The following BATF variants were observed in gnomAD, a reference collection of about 807,000 sequenced individuals.
BATF encodes the protein basic leucine zipper ATF-like transcription factor.
Under a neutral mutation model 13.7 loss-of-function variants are expected in BATF, and 5 were observed. The observed-to-expected ratio is 0.36, with a 90% CI of 0.19 to 0.77. The LOEUF is 0.77. BATF is among the 30% of genes least tolerant of loss of function. BATF has a pLI of 0.51. For missense variants in BATF, 124 were observed against 163.0 expected (o/e 0.76, Z 1.30); for synonymous variants, 72 against 67.5 (o/e 1.07, Z -0.33).
rs960787494 is a variant in BATF at position 75,525,297 on chromosome 14, T to A, written c.168+109T>A. The A allele has an allele frequency of 3.3e-6, 4 of 1,195,228 alleles. No homozygotes were observed. In the Admixed American group the frequency reaches 6.1e-5, roughly 18 times the overall value. 74.0% of individuals were successfully genotyped at this position (1,195,228 alleles called of 1,614,324 possible). A position where few individuals can be genotyped will look rare whatever the true frequency, so the allele number is the denominator to read the frequency against. The stretch of plus-strand genomic sequence containing the variant: ...TTCTGCTTGTGTGGGGATGTGTATG[T>A]GGGGTGGGTTAGTGGAGGGTGAGGG... On this transcript the variant is annotated intron_variant, in intron 2 of 2. Coordinates refer to ENST00000286639, the MANE Select transcript of BATF (RefSeq NM_006399.5).
chr14:75,533,051 A>G (rs117483347), intron 2 of BATF, among the ~76,000 whole-genome samples: 1 of 152,234 alleles, frequency 6.6e-6, no homozygotes, highest in East Asian at 1.9e-4. Context: ...GGGGAGGGAA[A>G]ACACATCAAG....
At chr14:75,535,163 T>C (rs1887799113) in intron 2 of BATF, among the ~76,000 whole-genome samples, 2 of 152,228 alleles carry the variant, frequency 1.3e-5, no homozygotes, top group South Asian at 4.1e-4. Context: ...TTCATGCCTG[T>C]AATCCCAATA....
At chr14:75,524,986 G>A (rs1025681983) in intron 1 of BATF, 98 bp from the exon 2 acceptor site, 103 of 1,039,416 alleles carry the variant, frequency 9.9e-5, no homozygotes, top group Non-Finnish European at 1.3e-4. Context: ...ACGAAGGCAT[G>A]GAAGGATGGC....
rs538735755 is a variant in BATF at position 75,528,558 on chromosome 14, C to T, written c.168+3370C>T. On this transcript the variant is annotated intron_variant, in intron 2 of 2. Transcript: ENST00000286639. ...TCGGTGATTCCTTTCGTAATTGTGA[C>T]ATCAACAAACAATCTAATTCTGTTT... Among the ~76,000 whole-genome samples the T allele has an allele frequency of 2.2e-4, 34 of 152,346 alleles. No homozygotes were observed. The East Asian group carries it at 5.2e-3, about 23-fold the overall frequency.
chr14:75,542,274 T>C (rs1887907876), intron 2 of BATF, among the ~76,000 whole-genome samples: 1 of 152,236 alleles, frequency 6.6e-6, no homozygotes, highest in Admixed American at 6.5e-5. Flanking sequence ...TGACCTTCCC[T>C]ATCCCACACA....
At position 75,546,941 on chromosome 14, in the gene BATF, A is replaced by C; in HGVS notation, c.*270A>C. ...AAGATGCTCAAGTCCCATGGCACAGAGCAAGGCGGGCAGGGAACGGTTATT... is the reference window on the plus strand; with the variant it reads ...AAGATGCTCAAGTCCCATGGCACAGCGCAAGGCGGGCAGGGAACGGTTATT... On this transcript the variant is annotated 3_prime_UTR_variant, in exon 3 of 3. Coordinates refer to ENST00000286639, the MANE Select transcript of BATF (RefSeq NM_006399.5). The C allele has an allele frequency of 1.4e-6, 1 of 703,858 alleles. No homozygotes were observed. Among genetic ancestry groups the C allele is most frequent in the Non-Finnish European group, 2.6e-6 (1 of 386,152 alleles). 43.6% of individuals were successfully genotyped at this position (703,858 alleles called of 1,614,324 possible). A position where few individuals can be genotyped will look rare whatever the true frequency, so the allele number is the denominator to read the frequency against.
At chr14:75,538,376 T>TG (rs773462514) in intron 2 of BATF, among the ~76,000 whole-genome samples, 4 of 152,164 alleles carry the variant, frequency 2.6e-5, no homozygotes, top group Non-Finnish European at 5.9e-5. Context: ...TTGGAACCTC[T>TG]GGGGGTCTGG....
In BATF at chr14:75,546,766, C is replaced by G; in HGVS notation, c.*95C>G. The G allele has an allele frequency of 2.2e-6, 3 of 1,394,548 alleles. No homozygotes were observed. Among genetic ancestry groups the G allele is most frequent in the Non-Finnish European group, 2.9e-6 (3 of 1,036,714 alleles). The allele number at this position is 1,394,548 out of a possible 1,614,324, so 86.4% of individuals were successfully genotyped here. A position where few individuals can be genotyped will look rare whatever the true frequency, so the allele number is the denominator to read the frequency against. On this transcript the variant is annotated 3_prime_UTR_variant, in exon 3 of 3. Coordinates refer to ENST00000286639, the MANE Select transcript of BATF (RefSeq NM_006399.5). The stretch of plus-strand genomic sequence containing the variant: ...CAGAGGCCCCTGTCCACCTGGAGAC[C>G]CGGAGACAGAGGCCTGGACAAGGAG...
chr14:75,540,249 C>T (rs775230211), intron 2 of BATF, among the ~76,000 whole-genome samples: 3 of 152,222 alleles, frequency 2.0e-5, no homozygotes, highest in Non-Finnish European at 2.9e-5. Flanking sequence ...TGGCTCCCGG[C>T]GGGTGAGGGA....
chr14:75,524,832 T>C (rs1193972173), intron 1 of BATF, among the ~76,000 whole-genome samples: 1 of 151,842 alleles, frequency 6.6e-6, no homozygotes, highest in Non-Finnish European at 1.5e-5. Flanking sequence ...ACAGCTCTAT[T>C]GAGTCCTCAA....
intron 2 of BATF, among the ~76,000 whole-genome samples, chr14:75,527,744 A>T (rs1161478085): frequency 1.3e-5 from 2 of 152,012 alleles, no homozygotes; most frequent in Non-Finnish European, 2.9e-5. Flanking sequence ...CCATAGCCAC[A>T]CCCCAGCCTC....
At chr14:75,539,640 G>A (rs771870055) in intron 2 of BATF, among the ~76,000 whole-genome samples, 4 of 152,012 alleles carry the variant, frequency 2.6e-5, no homozygotes, top group Non-Finnish European at 2.9e-5. Context: ...GGCTGATGTG[G>A]CCAATCTTCT....
chr14:75,538,055 C>A (rs147251866), intron 2 of BATF, among the ~76,000 whole-genome samples: 42 of 152,298 alleles, frequency 2.8e-4, no homozygotes, highest in African/African-American at 9.9e-4. Flanking sequence ...ACCTCCCAGG[C>A]ACAAATGATC....
chr14:75,546,648 A>C lies in BATF; in HGVS notation c.355A>C (p.Ser119Arg), dbSNP rs1441360326. Reference protein sequence around the residue: ...SAHAFHQPHVSSPRFQP With the variant: ...SAHAFHQPHVRSPRFQP ...CCACGCATTCCACCAACCTCATGTC[A>C]GCTCCCCGCGCTTCCAGCCCTGAGC... Residue 119 changes from serine to arginine, a missense_variant, in exon 3 of 3, where the codon AGC becomes CGC. Coordinates refer to ENST00000286639, the MANE Select transcript of BATF (RefSeq NM_006399.5). The C allele has an allele frequency of 6.2e-7, 1 of 1,607,402 alleles. No homozygotes were observed. Among genetic ancestry groups the C allele is most frequent in the South Asian group, 1.1e-5 (1 of 90,260 alleles).
At chr14:75,544,611 G>A (rs980467584) in intron 2 of BATF, among the ~76,000 whole-genome samples, 8 of 148,290 alleles carry the variant, frequency 5.4e-5, no homozygotes, top group Admixed American at 1.4e-4. Flanking sequence ...ACTTCACTCC[G>A]CAAATCCCAA....
At position 75,540,559 on chromosome 14, in the gene BATF, A is replaced by AG. The variant is rs753476850; in HGVS notation, c.169-5901dup. Among the ~76,000 whole-genome samples, 114 of 152,348 alleles carry AG rather than the reference A, an allele frequency of 7.5e-4. 1 individual carries two copies. The Middle Eastern group carries it at 0.014, about 18-fold the overall frequency. On this transcript the variant is annotated intron_variant, in intron 2 of 2. Coordinates refer to ENST00000286639, the MANE Select transcript of BATF (RefSeq NM_006399.5). ...TTTAAACAGACTTTAAAGGCAAGAAAGGATGGAGGGCACAGACTCTGAAGC... is the reference window on the plus strand; with the variant it reads ...TTTAAACAGACTTTAAAGGCAAGAAAGGGATGGAGGGCACAGACTCTGAAGC...
intron 2 of BATF, among the ~76,000 whole-genome samples, chr14:75,544,562 CAAAAAAA>C (rs67545560): frequency 7.0e-4 from 23 of 33,020 alleles, no homozygotes; most frequent in Admixed American, 1.6e-3. Flanking sequence ...GAGACTGTCT[CAAAAAAA>C]AAAAAAAAAA....
chr14:75,524,751 G>T (rs531842400), intron 1 of BATF, among the ~76,000 whole-genome samples: 1 of 151,390 alleles, frequency 6.6e-6, no homozygotes, highest in South Asian at 2.1e-4. Flanking sequence ...CGAGGGTGGA[G>T]CAGCCCTACA....
intron 2 of BATF, among the ~76,000 whole-genome samples, chr14:75,536,218 T>C (rs1887813891): frequency 6.6e-6 from 1 of 152,120 alleles, no homozygotes; most frequent in Non-Finnish European, 1.5e-5. Context: ...AGGGACGGGA[T>C]TGGGGCAGCG....
Sources: gnomAD v4.1 joint callset for allele counts (sites outside exome capture counted in the v4.1 genomes callset) on GRCh38, gnomAD v4.1.1 for gene constraint, MANE v1.5 for transcripts, NCBI Gene and HGNC (gene_info 2026-07-23, HGNC 2026-07-21) for gene names.